The following GRHL3 variants were observed in gnomAD, a reference collection of about 807,000 sequenced individuals.
The protein encoded by GRHL3 is grainyhead-like protein 3 homolog.
In GRHL3, 20 loss-of-function variants were observed where a neutral mutation model predicts 70.3. The observed-to-expected ratio is 0.28, with a 90% CI of 0.20 to 0.41. The LOEUF is 0.41. GRHL3 is among the 10% of genes least tolerant of loss of function. The probability of loss-of-function intolerance (pLI) is 1.00; values close to 1 mark genes in which losing one functional copy is unlikely to be tolerated. For missense variants in GRHL3, 637 were observed against 762.3 expected, an observed-to-expected ratio of 0.84 and a Z score of 1.94; for synonymous variants, 299 against 299.9, an observed-to-expected ratio of 1.00 and a Z score of 0.03.
rs57566921 is a variant in GRHL3 at position 24,336,215 on chromosome 1, G to GT, written c.267-253dup. ...AAAAATAAACGATTAAACTTTCAGG[G>GT]TTTTTTTTTTTTTTAATAAGTACTG... On this transcript the variant is annotated intron_variant, in intron 3 of 15. Coordinates refer to ENST00000361548, the MANE Select transcript of GRHL3 (RefSeq NM_198173.3). 0.019 allele frequency among the ~76,000 whole-genome samples: 2,708 copies of GT among 142,228 alleles called. 57 individuals are homozygous for GT. The highest frequency in any genetic ancestry group is 0.052 in the African/African-American group (2,043 of 39,130). The allele number at this position is 142,228 out of a possible 152,430, so 93.3% of individuals were successfully genotyped here.
In GRHL3 at chr1:24,319,519, C is replaced by T. The variant is rs975642407; in HGVS notation, c.-33C>T. 5.6e-6 allele frequency: 9 copies of T among 1,596,446 alleles called. No individual in the cohort carries two copies. Among genetic ancestry groups the T allele is most frequent in the South Asian group, 1.1e-5 (1 of 90,762 alleles). Reference sequence around the variant, plus strand: ...TAGAGACAAGCGGTCAGCAGAGCCTCAGTGCTGATCGTCGGAGCTTGGGAG... The same window carrying T: ...TAGAGACAAGCGGTCAGCAGAGCCTTAGTGCTGATCGTCGGAGCTTGGGAG... On this transcript the variant is annotated 5_prime_UTR_variant, in exon 1 of 16. Coordinates refer to ENST00000361548, the MANE Select transcript of GRHL3 (RefSeq NM_198173.3).
intron 15 of GRHL3, among the ~76,000 whole-genome samples, chr1:24,362,405 A>G (rs2148677556): frequency 6.6e-6 from 1 of 152,336 alleles, no homozygotes; most frequent in Non-Finnish European, 1.5e-5. Context: ...TTTAAGGGTC[A>G]CACACAAACC....
rs886281799 is a variant in GRHL3 at position 24,319,481 on chromosome 1, G to A, written c.-71G>A. On this transcript the variant is annotated 5_prime_UTR_variant, in exon 1 of 16. Transcript: ENST00000361548. The stretch of plus-strand genomic sequence containing the variant: ...ACTTTCCCGGGCAGAGAATGTCTGT[G>A]TCAGGCAAGAATTAGAGACAAGCGG... 5 of 1,435,494 alleles carry A rather than the reference G, an allele frequency of 3.5e-6. No homozygotes were observed. In the African/African-American group the frequency reaches 7.0e-5, roughly 20 times the overall value. 88.9% of individuals were successfully genotyped at this position (1,435,494 alleles called of 1,614,324 possible).
chr1:24,332,014 G>C (rs954619766), intron 2 of GRHL3, among the ~76,000 whole-genome samples: 3 of 152,156 alleles, frequency 2.0e-5, no homozygotes, highest in Non-Finnish European at 4.4e-5. Flanking sequence ...TCTGTGACAC[G>C]TGTTGACCAA....
chr1:24,350,193 G>A, intron 15 of GRHL3, 71 bp downstream of exon 15: 3 of 1,271,246 alleles, frequency 2.4e-6, no homozygotes, highest in Non-Finnish European at 3.4e-6. Context: ...GGCCTTTGTG[G>A]AGGGGCTGAG....
In GRHL3 at chr1:24,321,686, C is replaced by G. The variant is rs778927767; in HGVS notation, c.17+2118C>G. 1 of 152,316 alleles carries G rather than the reference C, an allele frequency of 6.6e-6. No homozygotes were observed. The highest frequency in any genetic ancestry group is 2.1e-4 in the South Asian group (1 of 4,836). 9.4% of individuals were successfully genotyped at this position (152,316 alleles called of 1,614,324 possible). Reference sequence around the variant, plus strand: ...CCTACCTGGCAGGAACAACTGTGAGCTCCCAAATGTGGACCAGAGCTCCAT... The same window carrying G: ...CCTACCTGGCAGGAACAACTGTGAGGTCCCAAATGTGGACCAGAGCTCCAT... On this transcript the variant is annotated intron_variant, in intron 1 of 15. Coordinates refer to ENST00000361548, the MANE Select transcript of GRHL3 (RefSeq NM_198173.3). This position sits in a 1 kb window ranked among gnomAD's most constrained non-coding sequence, Gnocchi z 4.0.
chr1:24,326,270 C>T (rs1218754558), intron 1 of GRHL3, among the ~76,000 whole-genome samples: 2 of 152,094 alleles, frequency 1.3e-5, no homozygotes, highest in Non-Finnish European at 2.9e-5. Flanking sequence ...CAGGCTGATG[C>T]CTTTGATCTT....
chr1:24,339,653 C>G lies in GRHL3; in HGVS notation c.953-15C>G, dbSNP rs1362776266. On this transcript the variant is annotated splice_polypyrimidine_tract_variant and intron_variant, in intron 7 of 15. Transcript: ENST00000361548. Reference sequence around the variant, plus strand: ...CTTCCTTCCTGATTCTCCTTCTGGTCTCCTGTGGTTTCAGCTGACTGCAAA... The same window carrying G: ...CTTCCTTCCTGATTCTCCTTCTGGTGTCCTGTGGTTTCAGCTGACTGCAAA... 2 of 1,590,642 alleles carry G rather than the reference C, an allele frequency of 1.3e-6. No individual in the cohort carries two copies. Among genetic ancestry groups the G allele is most frequent in the Non-Finnish European group, 1.7e-6 (2 of 1,161,478 alleles).
At chr1:24,352,064 A>G (rs920110670) in intron 15 of GRHL3, among the ~76,000 whole-genome samples, 1 of 152,242 alleles carries the variant, frequency 6.6e-6, no homozygotes, top group East Asian at 1.9e-4. Context: ...TTATTTGCCC[A>G]GCACCATAGC....
chr1:24,347,579 C>T, intron 14 of GRHL3, 26 bp downstream of exon 14: 1 of 1,533,116 alleles, frequency 6.5e-7, no homozygotes, highest in Non-Finnish European at 9.0e-7. Context: ...ACCCCGCCCC[C>T]CATGGCAGAC....
chr1:24,342,909 C>G lies in GRHL3; in HGVS notation c.1303C>G (p.Leu435Val), dbSNP rs763522239. 1.4e-5 allele frequency: 22 copies of G among 1,614,188 alleles called. No individual in the cohort carries two copies. The highest frequency in any genetic ancestry group is 1.8e-5 in the Non-Finnish European group (21 of 1,180,044). ...SSNSGVKGCL[L>V]SGFRGNETTY... ...CCCATCAGGCGTCAAGGGCTGCCTG[C>G]TGTCGGGCTTCAGGGGCAATGAGAC... Residue 435 changes from leucine (L) to valine (V), a missense_variant, in exon 11 of 16, where the codon CTG becomes GTG. By Grantham distance (32) the Leu-to-Val change is conservative. Transcript: ENST00000361548. This position sits in a 1 kb window ranked among gnomAD's most constrained non-coding sequence, Gnocchi z 4.8.
rs777795391 is a variant in GRHL3 at position 24,342,071 on chromosome 1, C to T, written c.1048-44C>T. ...GATCACTGTGGGACGGTGGGGCTGG[C>T]CACCTGGGCAGGCCACTTACCCAGC... On this transcript the variant is annotated intron_variant, in intron 8 of 15. Coordinates refer to ENST00000361548, the MANE Select transcript of GRHL3 (RefSeq NM_198173.3). This position sits in a 1 kb window ranked among gnomAD's most constrained non-coding sequence, Gnocchi z 4.8. The T allele has an allele frequency of 6.6e-7, 1 of 1,508,694 alleles. No homozygotes were observed. Among genetic ancestry groups the T allele is most frequent in the Admixed American group, 2.0e-5 (1 of 48,834 alleles). 93.5% of individuals were successfully genotyped at this position (1,508,694 alleles called of 1,614,324 possible).
chr1:24,340,350 G>A (rs924180550), intron 8 of GRHL3, among the ~76,000 whole-genome samples: 17 of 152,218 alleles, frequency 1.1e-4, no homozygotes, highest in Admixed American at 7.2e-4. Context: ...TGCTAGGATT[G>A]GAGTGCAGAG....
rs1639241623 is a variant in GRHL3 at position 24,322,611 on chromosome 1, C to T, written c.17+3043C>T. Among the ~76,000 whole-genome samples, 1 of 152,220 alleles carries T rather than the reference C, an allele frequency of 6.6e-6. No homozygotes were observed. Among genetic ancestry groups the T allele is most frequent in the Admixed American group, 6.5e-5 (1 of 15,290 alleles). On this transcript the variant is annotated intron_variant, in intron 1 of 15. Coordinates refer to ENST00000361548, the MANE Select transcript of GRHL3 (RefSeq NM_198173.3). This position sits in a 1 kb window ranked among gnomAD's most constrained non-coding sequence, Gnocchi z 4.4. ...CGGCGGCCCGGGCGGCGCGGGGGTC[C>T]TGCGGCTCCGCCAGCTGCTGGGAGC...
chr1:24,345,694 T>C (rs1189518116), intron 12 of GRHL3, among the ~76,000 whole-genome samples: 2 of 152,168 alleles, frequency 1.3e-5, no homozygotes, highest in African/African-American at 4.8e-5. Flanking sequence ...CTTGACACTT[T>C]GGCCTAGGAA....
At chr1:24,331,122 C>T (rs140085787) in intron 1 of GRHL3, among the ~76,000 whole-genome samples, 78 of 152,298 alleles carry the variant, frequency 5.1e-4, no homozygotes, top group South Asian at 6.2e-4. Flanking sequence ...TGAATAAGTA[C>T]GCACTATGAA....
chr1:24,338,194 C>T, intron 7 of GRHL3, 91 bp downstream of exon 7: 1 of 816,064 alleles, frequency 1.2e-6, no homozygotes, highest in Admixed American at 2.8e-5. Flanking sequence ...CCCTGTTTCC[C>T]TACCTGGCTC....
downstream of GRHL3, among the ~76,000 whole-genome samples, chr1:24,358,853 C>T (rs1640900859): frequency 6.6e-6 from 1 of 152,136 alleles, no homozygotes; most frequent in Admixed American, 6.5e-5. Context: ...ACTTCTTTAA[C>T]AGAACAAAAT....
chr1:24,355,365 G>A (rs992079673), downstream of GRHL3: 1 of 152,566 alleles, frequency 6.6e-6, no homozygotes, highest in African/African-American at 2.4e-5. Flanking sequence ...GCTGGAAAGA[G>A]ATGGCTACAT....
Sources: allele counts gnomAD v4.1 joint callset (sites outside exome capture counted in the v4.1 genomes callset), GRCh38; gene constraint gnomAD v4.1.1; non-coding constraint Gnocchi (gnomAD v3.1); transcripts MANE v1.5; gene names NCBI Gene and HGNC (gene_info 2026-07-23, HGNC 2026-07-21).